GPS1: variants seen among roughly 807,000 people sequenced by gnomAD.
The protein encoded by GPS1 is COP9 signalosome complex subunit 1.
GPS1 carries 11 observed loss-of-function variants against 60.0 expected under a neutral mutation model. The ratio of observed to expected loss-of-function variants is 0.18; its 90% CI spans 0.12 to 0.30. The LOEUF (loss-of-function observed/expected upper bound fraction) is 0.30. Among genes scored for constraint, GPS1 ranks in the 10% least tolerant of loss-of-function variants. GPS1 has a pLI of 1.00. For missense variants in GPS1, 543 were observed against 669.2 expected, an observed-to-expected ratio of 0.81 and a Z score of 2.08; for synonymous variants, 343 against 269.8, an observed-to-expected ratio of 1.27 and a Z score of -2.66.
At position 82,052,208 on chromosome 17, in the gene GPS1, G is replaced by C. The variant is rs745968278; in HGVS notation, c.33+244G>C. 4.7e-6 allele frequency: 7 copies of C among 1,499,792 alleles called. No homozygotes were observed. The African/African-American group carries it at 5.6e-5, about 12-fold the overall frequency. The allele number at this position is 1,499,792 out of a possible 1,614,324, so 92.9% of individuals were successfully genotyped here. A position where few individuals can be genotyped will look rare whatever the true frequency, so the allele number is the denominator to read the frequency against. On this transcript the variant is annotated intron_variant, in intron 1 of 12. Transcript: ENST00000578552. ...CCCGCCTCCCCTCCCAGCAGCTCAC[G>C]GGAGAGGTTCCCGGCCGCCCCGACG...
chr17:82,056,208 C>T (rs1170157321), intron 8 of GPS1, 78 bp from the exon 9 acceptor site: 23 of 1,362,796 alleles, frequency 1.7e-5, no homozygotes, highest in Admixed American at 1.5e-4. Flanking sequence ...AGGTGTTTGT[C>T]TGGGGACTGG....
At chr17:82,051,465 G>A, upstream of GPS1, 1 of 1,346,672 alleles carries the variant, frequency 7.4e-7, no homozygotes, top group Non-Finnish European at 9.6e-7. The surrounding 1 kb of genome is among the most constrained non-coding windows in gnomAD (Gnocchi z 4.1). Context: ...GCGGGTGGGC[G>A]TGGGGCTCGC....
rs374881630 is a variant in GPS1, at chr17:82,056,278, C to G, written c.930-8C>G. 2.4e-4 allele frequency: 388 copies of G among 1,588,820 alleles called. No individual in the cohort carries two copies. The highest frequency in any genetic ancestry group is 3.1e-4 in the Non-Finnish European group (363 of 1,158,048). On this transcript the variant is annotated splice_polypyrimidine_tract_variant and splice_region_variant and intron_variant, in intron 8 of 12. Coordinates refer to ENST00000578552, the MANE Select transcript of GPS1 (RefSeq NM_001321092.3). ...GAGGACAGAGTTCTGAGGGGTCTGC[C>G]TCACCAGCTCCTTCAAGTTGTTCTT...
At chr17:82,053,494 C>T in intron 2 of GPS1, 128 bp downstream of exon 2, 1 of 670,152 alleles carries the variant, frequency 1.5e-6, no homozygotes, top group South Asian at 3.2e-5. Context: ...CTTTTTCTGA[C>T]CCCGAAACCA....
chr17:82,055,708 C>G, intron 6 of GPS1, 32 bp from the exon 7 acceptor site: 11 of 1,204,220 alleles, frequency 9.1e-6, no homozygotes, highest in African/African-American at 1.5e-5. Context: ...TACCCCCTCT[C>G]CCCCCTCCCC....
At chr17:82,051,507 C>T, upstream of GPS1, 2 of 1,383,638 alleles carry the variant, frequency 1.4e-6, no homozygotes, top group Non-Finnish European at 1.9e-6. The surrounding 1 kb of genome is among the most constrained non-coding windows in gnomAD (Gnocchi z 4.1). Context: ...CACCTGCTGG[C>T]GGGCCCGGGA....
upstream of GPS1, chr17:82,051,396 G>C (rs1292323274): frequency 1.4e-6 from 2 of 1,416,522 alleles, no homozygotes; most frequent in Middle Eastern, 1.9e-4. This position sits in a 1 kb window ranked among gnomAD's most constrained non-coding sequence, Gnocchi z 4.1. Flanking sequence ...GCCGGAGACC[G>C]ACCCGCCCCG....
At position 82,057,363 on chromosome 17, in the gene GPS1, C is replaced by G; in HGVS notation, c.*236C>G. The stretch of plus-strand genomic sequence containing the variant: ...TGGGTTTCTGTCCCCAGGGAGCAGA[C>G]TGTGCGGCACCCAGGCCCAGTGGCA... On this transcript the variant is annotated 3_prime_UTR_variant, in exon 13 of 13. Transcript: ENST00000578552. The G allele has an allele frequency of 1.4e-6, 1 of 695,392 alleles. No individual in the cohort carries two copies. The highest frequency in any genetic ancestry group is 2.6e-6 in the Non-Finnish European group (1 of 382,030). 43.1% of individuals were successfully genotyped at this position (695,392 alleles called of 1,614,324 possible).
chr17:82,051,818 G>A (rs764874861), upstream of GPS1: 37 of 1,133,616 alleles, frequency 3.3e-5, no homozygotes, highest in Admixed American at 1.5e-4. This position sits in a 1 kb window ranked among gnomAD's most constrained non-coding sequence, Gnocchi z 4.1. Context: ...CCGGAGCCGT[G>A]GGTGGGCGGC....
At chr17:82,052,728 G>A in intron 1 of GPS1, 1 of 495,416 alleles carries the variant, frequency 2.0e-6, no homozygotes, top group South Asian at 2.4e-5. Flanking sequence ...CCGAGGTCCT[G>A]GCTTCTCTGT....
chr17:82,056,882 G>A lies in GPS1; in HGVS notation c.1297G>A (p.Glu433Lys). The change falls in exon 12 of 13, where the codon GAG becomes AAG. Residue 433 changes from glutamate (E) to lysine (K), a missense_variant. Glu to Lys is a moderately conservative substitution (Grantham distance 56). Transcript: ENST00000578552. ...CGTGGATCAGCGCAGCACCACCTTT[G>A]AGAAGTCTCTGTTGATGGGCAAGGA... ...RDVDQRSTTFEKSLLMGKEFQ... is the reference protein window; with the variant it reads ...RDVDQRSTTFKKSLLMGKEFQ... 4 of 1,612,894 alleles carry A rather than the reference G, an allele frequency of 2.5e-6. No individual in the cohort carries two copies. The highest frequency in any genetic ancestry group is 2.2e-5 in the East Asian group (1 of 44,872).
chr17:82,053,763 C>A, intron 2 of GPS1, 105 bp from the exon 3 acceptor site: 1 of 1,163,326 alleles, frequency 8.6e-7, no homozygotes, highest in Non-Finnish European at 1.2e-6. Context: ...GGGCCCAGGG[C>A]GACATTCTGG....
upstream of GPS1, chr17:82,051,788 G>C (rs1457079911): frequency 2.7e-6 from 3 of 1,119,816 alleles, no homozygotes; most frequent in African/African-American, 1.7e-5. The surrounding 1 kb of genome is among the most constrained non-coding windows in gnomAD (Gnocchi z 4.1). Context: ...GACCCCCGGC[G>C]CTGCGAGCGG....
rs1172688349 is a variant in GPS1, at chr17:82,051,924, G to A, written c.-8G>A. The A allele has an allele frequency of 8.6e-7, 1 of 1,163,534 alleles. No individual in the cohort carries two copies. Among genetic ancestry groups the A allele is most frequent in the Non-Finnish European group, 1.1e-6 (1 of 942,766 alleles). 72.1% of individuals were successfully genotyped at this position (1,163,534 alleles called of 1,614,324 possible). The stretch of plus-strand genomic sequence containing the variant: ...GTGGACGGCACGCCGCGGCGGGGTG[G>A]GTGCAAGATGCCGCTGCCGGTTCAG... On this transcript the variant is annotated 5_prime_UTR_variant, in exon 1 of 13. Transcript: ENST00000578552. The surrounding 1 kb of genome is among the most constrained non-coding windows in gnomAD (Gnocchi z 4.1).
chr17:82,054,633 C>T lies in GPS1; in HGVS notation c.432C>T (p.Asp144=). Residue 144 remains aspartate, a synonymous_variant, in exon 4 of 13, where the codon GAC becomes GAT. Coordinates refer to ENST00000578552, the MANE Select transcript of GPS1 (RefSeq NM_001321092.3). ...TGAAGCTGGAGAAGCTGGACACAGA[C>T]CTGAAGAACTACAAGGGCAACTCCA... ...ALLKLEKLDT[D]LKNYKGNSIK... 3.1e-6 allele frequency: 5 copies of T among 1,610,114 alleles called. No individual in the cohort carries two copies. The highest frequency in any genetic ancestry group is 1.7e-4 in the Middle Eastern group (1 of 6,060).
At position 82,053,308 on chromosome 17, in the gene GPS1, C is replaced by T. The variant is rs777463631; in HGVS notation, c.68C>T (p.Pro23Leu). ...GAGCCCATGCAGATCGACGTGGACC[C>T]CCAGGAAGACCCGCAGAATGCACCT... is the stretch of plus-strand genomic sequence containing the variant. ...AVEPMQIDVD[P>L]QEDPQNAPDV... The change falls in exon 2 of 13, where the codon CCC (proline) becomes CTC (leucine). Residue 23 changes from proline (P) to leucine (L), a missense_variant. Coordinates refer to ENST00000578552, the MANE Select transcript of GPS1 (RefSeq NM_001321092.3). 1 of 1,548,422 alleles carries T rather than the reference C, an allele frequency of 6.5e-7. No homozygotes were observed. Among genetic ancestry groups the T allele is most frequent in the East Asian group, 2.5e-5 (1 of 39,738 alleles).
At chr17:82,054,469 C>T (rs2032012090) in intron 3 of GPS1, 41 bp from the exon 4 acceptor site, 3 of 1,453,720 alleles carry the variant, frequency 2.1e-6, no homozygotes, top group Non-Finnish European at 2.7e-6. Context: ...CTCCCTGGCC[C>T]CCGTGACCGC....
At chr17:82,052,150 C>G (rs2030849940) in intron 1 of GPS1, 186 bp downstream of exon 1, 2 of 1,067,584 alleles carry the variant, frequency 1.9e-6, no homozygotes, top group Non-Finnish European at 2.5e-6. Context: ...CGTGGCTGCG[C>G]GCTGCGATCG....
At chr17:82,053,071 C>T (rs935724821) in intron 1 of GPS1, 2 of 418,752 alleles carry the variant, frequency 4.8e-6, no homozygotes, top group Admixed American at 4.4e-5. Flanking sequence ...GTGAGGAGAC[C>T]CCTCCCTGAT....
Sources: gnomAD v4.1 joint callset for allele counts on GRCh38, gnomAD v4.1.1 for gene constraint, Gnocchi (gnomAD v3.1) non-coding constraint, MANE v1.5 for transcripts, NCBI Gene and HGNC (gene_info 2026-07-23, HGNC 2026-07-21) for gene names.